Variants in CD34 observed in about 807,000 individuals in gnomAD.
CD34 encodes the protein hematopoietic progenitor cell antigen CD34.
CD34 carries 34 observed loss-of-function variants against 40.1 expected under a neutral mutation model. The ratio of observed to expected loss-of-function variants is 0.85; its 90% CI spans 0.65 to 1.13. CD34 has a LOEUF of 1.13. CD34 is among the 50% of genes most tolerant of loss of function. The pLI is 0.00. For synonymous variants in CD34, 209 were observed against 190.0 expected, an observed-to-expected ratio of 1.10 and a Z score of -0.82; for missense variants, 426 against 466.9, an observed-to-expected ratio of 0.91 and a Z score of 0.81.
intron 1 of CD34, among the ~76,000 whole-genome samples, chr1:207,906,643 G>C (rs6688657): frequency 6.6e-6 from 1 of 152,010 alleles, no homozygotes; most frequent in African/African-American, 2.4e-5. Context: ...TCAGGAGTTC[G>C]AGACCAGCCT....
intron 3 of CD34, among the ~76,000 whole-genome samples, chr1:207,898,077 C>T (rs1377706590): frequency 8.3e-6 from 1 of 120,288 alleles, no homozygotes; most frequent in Admixed American, 7.8e-5. Context: ...ATTTTGAGAT[C>T]GAGTCTTGCC....
Position 207,889,581 on chromosome 1 carries a change from A to G in CD34, c.638T>C (p.Val213Ala), listed in dbSNP as rs1226278690. The G allele has an allele frequency of 1.9e-5, 31 of 1,613,772 alleles. No homozygotes were observed. Among genetic ancestry groups the G allele is most frequent in the Non-Finnish European group, 2.6e-5 (31 of 1,179,936 alleles). Residue 213 changes from valine to alanine, a missense_variant, in exon 5 of 8, where the codon GTG (valine) becomes GCG (alanine). Coordinates refer to ENST00000310833, the MANE Select transcript of CD34 (RefSeq NM_001025109.2). ...ATCAGCCTGCTCCTCCCCACACAGC[A>G]CTCGGGCCAGGCCCTCTCCCCTGTC... is the stretch of plus-strand genomic sequence containing the variant. ...KKDRGEGLARVLCGEEQADAD... is the reference protein window; with the variant it reads ...KKDRGEGLARALCGEEQADAD...
Position 207,887,768 on chromosome 1 carries a change from T to C in CD34, c.1128A>G (p.Arg376=). Residue 376 remains arginine, a synonymous_variant, in exon 8 of 8, where the codon AGA becomes AGG. Transcript: ENST00000310833. ...ATTCGGTATCAGCCACCACGTGTTG[T>C]CTTGCTGAATGGCCGTTTCTGGAGG... The part of the protein sequence containing the change: ...QATSRNGHSA[R]QHVVADTEL 6.2e-7 allele frequency: 1 copy of C among 1,614,134 alleles called. No individual in the cohort carries two copies. The highest frequency in any genetic ancestry group is 8.5e-7 in the Non-Finnish European group (1 of 1,179,994).
intron 4 of CD34, among the ~76,000 whole-genome samples, chr1:207,894,243 C>T (rs886243897): frequency 2.0e-5 from 3 of 152,312 alleles, no homozygotes; most frequent in Non-Finnish European, 4.4e-5. Context: ...AATTCTGACA[C>T]GTGCTACAAC....
At chr1:207,892,530 G>C (rs1234161993) in intron 4 of CD34, among the ~76,000 whole-genome samples, 2 of 151,488 alleles carry the variant, frequency 1.3e-5, no homozygotes, top group Non-Finnish European at 2.9e-5. Flanking sequence ...AGTGAACTGA[G>C]ATCACAACAC....
intron 1 of CD34, among the ~76,000 whole-genome samples, chr1:207,904,681 C>A (rs555267157): frequency 1.3e-5 from 2 of 152,262 alleles, no homozygotes; most frequent in South Asian, 4.2e-4. Flanking sequence ...TCTCAGTGGG[C>A]ATGAGATACT....
chr1:207,903,470 A>G (rs1662319182), intron 1 of CD34, among the ~76,000 whole-genome samples: 1 of 152,212 alleles, frequency 6.6e-6, no homozygotes, highest in Admixed American at 6.5e-5. Context: ...GTTGAATAAA[A>G]AGCTCTCTTC....
At position 207,885,982 on chromosome 1, in the gene CD34, G is replaced by A. The variant is rs1416765071; in HGVS notation, c.*1756C>T. 3 of 150,066 alleles carry A rather than the reference G, an allele frequency of 2.0e-5. 1 individual carries two copies. Among genetic ancestry groups the A allele is most frequent in the African/African-American group, 4.9e-5 (2 of 40,572 alleles). The allele number at this position is 150,066 out of a possible 1,614,324, so 9.3% of individuals were successfully genotyped here. ...GGGGTTGTTTTGGAAGCTGGGGGGA[G>A]GTACATGCTTACAGATTTTTTTTTT... On this transcript the variant is annotated 3_prime_UTR_variant, in exon 8 of 8. Transcript: ENST00000310833.
In CD34 at chr1:207,899,179, CATA is replaced by C. The variant is rs768891729; in HGVS notation, c.307_309del (p.Tyr103del). 108 of 1,614,030 alleles carry C rather than the reference CATA, an allele frequency of 6.7e-5. No homozygotes were observed. Among genetic ancestry groups the C allele is most frequent in the Non-Finnish European group, 5.8e-5 (68 of 1,180,018 alleles). Reference sequence around the variant, plus strand: ...GACTGGACAGAAGAGTTTGTGTTTCCATAAACTGAGGTTATCACAGAGGTAGAT... The same window carrying C: ...GACTGGACAGAAGAGTTTGTGTTTCCAACTGAGGTTATCACAGAGGTAGAT... On this transcript the variant is annotated inframe_deletion, in exon 3 of 8. Coordinates refer to ENST00000310833, the MANE Select transcript of CD34 (RefSeq NM_001025109.2).
chr1:207,892,947 C>T (rs1038061500), intron 4 of CD34, among the ~76,000 whole-genome samples: 2 of 152,284 alleles, frequency 1.3e-5, no homozygotes, highest in South Asian at 2.1e-4. Context: ...GGAATAATAG[C>T]GGCCAGCCTC....
At position 207,899,032 on chromosome 1, in the gene CD34, G is replaced by A. The variant is rs371116376; in HGVS notation, c.457C>T (p.Leu153Phe). The A allele has an allele frequency of 8.1e-6, 13 of 1,614,080 alleles. No homozygotes were observed. Among genetic ancestry groups the A allele is most frequent in the Admixed American group, 1.7e-5 (1 of 60,012 alleles). ...VSDLSTTSTS[L>F]ATSPTKPYTS... is the part of the protein sequence containing the mutation. ...TAGGGTTTAGTGGGAGATGTTGCAA[G>A]GCTAGTGCTAGTGGTTGAAAGGTCT... Residue 153 changes from leucine to phenylalanine, a missense_variant, in exon 3 of 8, where the codon CTT becomes TTT. Leu to Phe is a conservative substitution (Grantham distance 22). Coordinates refer to ENST00000310833, the MANE Select transcript of CD34 (RefSeq NM_001025109.2).
Position 207,881,363 on chromosome 1 carries a change from G to A in CD34, c.*6375C>T, listed in dbSNP as rs1166491258. 1 of 152,098 alleles carries A rather than the reference G, an allele frequency of 6.6e-6. No individual in the cohort carries two copies. Among genetic ancestry groups the A allele is most frequent in the East Asian group, 1.9e-4 (1 of 5,194 alleles). The allele number at this position is 152,098 out of a possible 1,614,324, so 9.4% of individuals were successfully genotyped here. A position where few individuals can be genotyped will look rare whatever the true frequency, so the allele number is the denominator to read the frequency against. ...AGATTGAATACAGAAGCAGATAAAAGAATCAGCATTCGGGGGCTGGGCGCG... is the reference window on the plus strand; with the variant it reads ...AGATTGAATACAGAAGCAGATAAAAAAATCAGCATTCGGGGGCTGGGCGCG... On this transcript the variant is annotated 3_prime_UTR_variant, in exon 8 of 8. Coordinates refer to ENST00000310833, the MANE Select transcript of CD34 (RefSeq NM_001025109.2).
intron 1 of CD34, among the ~76,000 whole-genome samples, chr1:207,900,308 T>C (rs944939318): frequency 5.9e-5 from 9 of 152,160 alleles, no homozygotes; most frequent in Non-Finnish European, 1.3e-4. Context: ...TAATATACCA[T>C]AATCATTATA....
chr1:207,910,125 A>AT (rs895759042), intron 1 of CD34, among the ~76,000 whole-genome samples: 68 of 149,528 alleles, frequency 4.5e-4, no homozygotes, highest in Non-Finnish European at 8.8e-4. Flanking sequence ...CCGGGTGCCT[A>AT]TTTTTTTTTT....
intron 6 of CD34, 67 bp from the exon 7 acceptor site, chr1:207,888,913 C>A: frequency 6.6e-7 from 1 of 1,514,650 alleles, no homozygotes; most frequent in Non-Finnish European, 9.1e-7. Context: ...CCGCTCCAGC[C>A]CTCTGTGTGT....
chr1:207,889,742 T>G (rs1661990843), intron 4 of CD34, 121 bp from the exon 5 acceptor site: 1 of 1,560,872 alleles, frequency 6.4e-7, no homozygotes, highest in African/African-American at 1.4e-5. Flanking sequence ...TCCTTGTTTC[T>G]AAAATTCCAA....
chr1:207,895,675 A>T (rs1662136789), intron 4 of CD34, among the ~76,000 whole-genome samples: 1 of 152,202 alleles, frequency 6.6e-6, no homozygotes, highest in African/African-American at 2.4e-5. Flanking sequence ...GTGAGCTTTG[A>T]AGAGCAACAG....
intron 4 of CD34, among the ~76,000 whole-genome samples, chr1:207,891,911 G>A (rs1662045930): frequency 6.6e-6 from 1 of 152,066 alleles, no homozygotes; most frequent in Non-Finnish European, 1.5e-5. Context: ...GGACACGTCT[G>A]GTTAAGGTTA....
intron 1 of CD34, among the ~76,000 whole-genome samples, chr1:207,906,740 AG>A (rs749590971): frequency 1.3e-5 from 2 of 152,154 alleles, no homozygotes; most frequent in African/African-American, 2.4e-5. Context: ...GCTACTTAGG[AG>A]GCTGAGGAAG....
Sources: gnomAD v4.1 joint callset for allele counts (sites outside exome capture counted in the v4.1 genomes callset) on GRCh38, gnomAD v4.1.1 for gene constraint, MANE v1.5 for transcripts, NCBI Gene and HGNC (gene_info 2026-07-23, HGNC 2026-07-21) for gene names.